The following TECRL variants were observed in gnomAD, a reference collection of about 807,000 sequenced individuals.
TECRL encodes trans-2,3-enoyl-CoA reductase-like.
TECRL carries 63 observed loss-of-function variants against 52.8 expected under a neutral mutation model. That is an observed-to-expected ratio of 1.19 (90% CI 0.97 to 1.47). The LOEUF is 1.47. Among genes scored for constraint, TECRL ranks in the 40% most tolerant of loss-of-function variants. The pLI is 0.00. For missense variants in TECRL, 482 were observed against 429.6 expected (o/e 1.12, Z -1.08); for synonymous variants, 164 against 141.9 (o/e 1.16, Z -1.10).
chr4:64,382,895 T>C (rs150451948), intron 1 of TECRL, among the ~76,000 whole-genome samples: 1,872 of 152,238 alleles, frequency 0.012, 46 homozygotes, highest in African/African-American at 0.042. Context: ...TATACTTTTT[T>C]GTATTTTCAT....
At chr4:64,332,501 A>G (rs1718713850) in intron 2 of TECRL, among the ~76,000 whole-genome samples, 1 of 152,196 alleles carries the variant, frequency 6.6e-6, no homozygotes, top group Non-Finnish European at 1.5e-5. Flanking sequence ...GCCTCAATAA[A>G]ATAGAACGAA....
intron 2 of TECRL, among the ~76,000 whole-genome samples, chr4:64,366,061 G>A (rs1721578165): frequency 6.6e-6 from 1 of 151,914 alleles, no homozygotes; most frequent in African/African-American, 2.4e-5. Context: ...ACAGAATAGG[G>A]AGCCCAGAAA....
rs1254316149 is a variant in TECRL at position 64,324,755 on chromosome 4, A to G, written c.332-1963T>C. 3.3e-5 allele frequency among the ~76,000 whole-genome samples: 5 copies of G among 152,194 alleles called. No homozygotes were observed. In the East Asian group the frequency reaches 9.6e-4, roughly 29 times the overall value. ...AGAAATTTCATGTAAATTGATTACT[A>G]TTTGTAAAATACATACATATATATA... On this transcript the variant is annotated intron_variant, in intron 3 of 11. Transcript: ENST00000381210.
chr4:64,304,858 T>C (rs1457621413), intron 7 of TECRL: 1 of 179,654 alleles, frequency 5.6e-6, no homozygotes, highest in Non-Finnish European at 1.2e-5. Context: ...GATAGCTGAT[T>C]AGTATATGAT....
At chr4:64,366,050 A>G (rs1254609892) in intron 2 of TECRL, among the ~76,000 whole-genome samples, 1 of 152,110 alleles carries the variant, frequency 6.6e-6, no homozygotes, top group Non-Finnish European at 1.5e-5. Context: ...AGATCAATGG[A>G]ACAGAATAGG....
chr4:64,356,230 G>T (rs1223332123), intron 2 of TECRL, among the ~76,000 whole-genome samples: 1 of 152,174 alleles, frequency 6.6e-6, no homozygotes, highest in Non-Finnish European at 1.5e-5. Flanking sequence ...TTCTCCCCAT[G>T]TGATAGTCTG....
rs1722659957 is a variant in TECRL, at chr4:64,278,505, C to T, written c.*1567G>A. 1 of 230,320 alleles carries T rather than the reference C, an allele frequency of 4.3e-6. No homozygotes were observed. The highest frequency in any genetic ancestry group is 6.5e-5 in the Admixed American group (1 of 15,300). The allele number at this position is 230,320 out of a possible 1,614,324, so 14.3% of individuals were successfully genotyped here. A position where few individuals can be genotyped will look rare whatever the true frequency, so the allele number is the denominator to read the frequency against. The stretch of plus-strand genomic sequence containing the variant: ...TTTTTTGAGCGACATAAGAATTGAA[C>T]ATATTTGGGAGATACATAATAATGT... On this transcript the variant is annotated 3_prime_UTR_variant, in exon 12 of 12. Transcript: ENST00000381210.
chr4:64,301,763 G>A (rs1203055510), intron 7 of TECRL, among the ~76,000 whole-genome samples: 1 of 151,032 alleles, frequency 6.6e-6, no homozygotes, highest in South Asian at 2.1e-4. Context: ...AGCACATTAG[G>A]CAGAGTACAG....
downstream of TECRL, chr4:64,276,837 A>C (rs555160506): frequency 6.0e-5 from 22 of 364,860 alleles, no homozygotes; most frequent in African/African-American, 4.4e-4. Flanking sequence ...TAAAGTTTGT[A>C]AGTGTGCACA....
intron 1 of TECRL, among the ~76,000 whole-genome samples, chr4:64,375,456 T>C (rs1722332784): frequency 6.6e-6 from 1 of 151,994 alleles, no homozygotes; most frequent in South Asian, 2.1e-4. Context: ...ATTACATTAA[T>C]TCAATCCAAT....
At chr4:64,382,203 A>G (rs1722845230) in intron 1 of TECRL, among the ~76,000 whole-genome samples, 4 of 1,466 alleles carry the variant, frequency 2.7e-3, no homozygotes, top group Non-Finnish European at 4.5e-3. Flanking sequence ...ATATATATAT[A>G]TATATATATA....
intron 1 of TECRL, among the ~76,000 whole-genome samples, chr4:64,387,930 G>C (rs1472363947): frequency 6.6e-6 from 1 of 151,570 alleles, no homozygotes; most frequent in Non-Finnish European, 1.5e-5. Context: ...TCTTTTATCA[G>C]ATAAGACTTT....
rs558903017 is a variant in TECRL at position 64,288,070 on chromosome 4, C to T, written c.832+1640G>A. 1.3e-3 allele frequency among the ~76,000 whole-genome samples: 203 copies of T among 151,600 alleles called. 6 individuals carry two copies. Among genetic ancestry groups the T allele is most frequent in the Middle Eastern group, 3.4e-3 (1 of 294 alleles). On this transcript the variant is annotated intron_variant, in intron 9 of 11. Transcript: ENST00000381210. ...CTGAGGCAGGAGAATCGCTTGAAAC[C>T]GCTTAAAGGCAGAAGTTGCAGTGAG...
intron 2 of TECRL, among the ~76,000 whole-genome samples, chr4:64,369,669 G>A (rs201722500): frequency 6.6e-6 from 1 of 151,542 alleles, no homozygotes; most frequent in Non-Finnish European, 1.5e-5. Context: ...GCGTGACCTG[G>A]GGCAAGTTAT....
Position 64,280,118 on chromosome 4 carries a change from T to C in TECRL, c.1046A>G (p.Asn349Ser). Residue 349 changes from asparagine (N) to serine (S), a missense_variant, in exon 12 of 12, where the codon AAT (asparagine) becomes AGT (serine). By Grantham distance (46) the Asn-to-Ser change is conservative. Coordinates refer to ENST00000381210, the MANE Select transcript of TECRL (RefSeq NM_001010874.5). The part of the protein sequence containing the change: ...KKHKIYLRKF[N>S]SYIHRKSAMI... ...TGCTGATTTTCTATGAATATATGAA[T>C]TGAATTTTCTCAGATAAATCTTATG... The C allele has an allele frequency of 6.2e-7, 1 of 1,604,478 alleles. No individual in the cohort carries two copies. Among genetic ancestry groups the C allele is most frequent in the Non-Finnish European group, 8.5e-7 (1 of 1,175,652 alleles).
intron 2 of TECRL, among the ~76,000 whole-genome samples, chr4:64,330,411 G>C (rs1381992403): frequency 6.6e-6 from 1 of 152,026 alleles, no homozygotes; most frequent in Non-Finnish European, 1.5e-5. Context: ...ACTCAATATT[G>C]ATCAAAAGTT....
chr4:64,311,322 C>A (rs1402960846), intron 5 of TECRL, among the ~76,000 whole-genome samples: 1 of 152,042 alleles, frequency 6.6e-6, no homozygotes, highest in Non-Finnish European at 1.5e-5. Context: ...CAGACAAATT[C>A]TGAAAAAGGT....
intron 2 of TECRL, among the ~76,000 whole-genome samples, chr4:64,352,644 G>A (rs928129951): frequency 6.6e-6 from 1 of 152,028 alleles, no homozygotes; most frequent in Admixed American, 6.6e-5. Context: ...TTTAACTATA[G>A]CATTACTTCC....
At chr4:64,396,899 A>T (rs1023438707) in intron 1 of TECRL, among the ~76,000 whole-genome samples, 2 of 152,076 alleles carry the variant, frequency 1.3e-5, no homozygotes, top group Admixed American at 6.6e-5. Context: ...AGCACTATTA[A>T]GTGAATAGGA....
Sources: allele counts gnomAD v4.1 joint callset (sites outside exome capture counted in the v4.1 genomes callset), GRCh38; gene constraint gnomAD v4.1.1; transcripts MANE v1.5; gene names NCBI Gene and HGNC (gene_info 2026-07-23, HGNC 2026-07-21).